Variants in PCDHGA8 observed in about 807,000 individuals in gnomAD.
PCDHGA8 encodes protocadherin gamma-A8.
A neutral mutation model predicts 59.2 loss-of-function variants in PCDHGA8; 45 were observed. The observed-to-expected ratio is 0.76, with a 90% confidence interval of 0.60 to 0.98. The LOEUF is 0.98. Among genes scored for constraint, PCDHGA8 ranks in the 50% least tolerant of loss-of-function variants. The pLI is 0.00. For missense variants in PCDHGA8, 1,257 were observed against 1,196.2 expected, an observed-to-expected ratio of 1.05 and a Z score of -0.75; for synonymous variants, 531 against 519.0, an observed-to-expected ratio of 1.02 and a Z score of -0.32.
chr5:141,490,640 G>C lies in PCDHGA8; in HGVS notation c.2425-4167G>C, dbSNP rs774630488. 1 of 1,614,122 alleles carries C rather than the reference G, an allele frequency of 6.2e-7. No individual in the cohort carries two copies. The highest frequency in any genetic ancestry group is 8.5e-7 in the Non-Finnish European group (1 of 1,180,012). On this transcript the variant is annotated intron_variant, in intron 1 of 3. Coordinates refer to ENST00000398604, the MANE Select transcript of PCDHGA8 (RefSeq NM_032088.2). This position sits in a 1 kb window ranked among gnomAD's most constrained non-coding sequence, Gnocchi z 5.4. The stretch of plus-strand genomic sequence containing the variant: ...TACACTGCTTACATCCTAGAAAACC[G>C]GCCTCCGGGCTCCCTTCTTTGCACT...
chr5:141,451,299 A>T (rs1016384424), intron 1 of PCDHGA8, among the ~76,000 whole-genome samples: 17 of 152,228 alleles, frequency 1.1e-4, no homozygotes, highest in African/African-American at 3.4e-4. Flanking sequence ...AAAGTCTTAC[A>T]AGGCAGCAAT....
chr5:141,400,384 G>A (rs1335444355), intron 1 of PCDHGA8: 2 of 1,614,054 alleles, frequency 1.2e-6, no homozygotes, highest in South Asian at 1.1e-5. Flanking sequence ...CCTATGTGTT[G>A]CACATACAGG....
chr5:141,437,388 C>T (rs1434464979), intron 1 of PCDHGA8, among the ~76,000 whole-genome samples: 1 of 152,186 alleles, frequency 6.6e-6, no homozygotes, highest in Non-Finnish European at 1.5e-5. Context: ...AGACATTCAT[C>T]CACTGCTTTC....
rs770788893 is a variant in PCDHGA8 at position 141,403,151 on chromosome 5, G to T, written c.2424+7914G>T. On this transcript the variant is annotated intron_variant, in intron 1 of 3. Coordinates refer to ENST00000398604, the MANE Select transcript of PCDHGA8 (RefSeq NM_032088.2). ...GCTGGCGGAGCGCCGAGTCCGCATC[G>T]TCTCTAGAGGTAGGACGCAGCTTTT... 1.3e-5 allele frequency: 21 copies of T among 1,613,914 alleles called. No individual in the cohort carries two copies. In the Admixed American group the frequency reaches 3.5e-4, roughly 27 times the overall value.
intron 3 of PCDHGA8, chr5:141,507,418 A>T (rs2099860509): frequency 6.6e-6 from 1 of 152,204 alleles, no homozygotes; most frequent in Non-Finnish European, 1.5e-5. Context: ...CTGTGAGGTT[A>T]AGTGGGGCCA....
rs543116266 is a variant in PCDHGA8 at position 141,474,428 on chromosome 5, C to A, written c.2425-20379C>A. 3.9e-5 allele frequency among the ~76,000 whole-genome samples: 6 copies of A among 152,346 alleles called. 1 individual carries two copies. In the South Asian group the frequency reaches 1.0e-3, roughly 26 times the overall value. On this transcript the variant is annotated intron_variant, in intron 1 of 3. Coordinates refer to ENST00000398604, the MANE Select transcript of PCDHGA8 (RefSeq NM_032088.2). ...CGGTGATGCCTAGACCATTGGTCCT[C>A]ACACTTTGAGTAGCAAGTGATTGGG...
Position 141,476,140 on chromosome 5 carries a change from C to G in PCDHGA8, c.2425-18667C>G. On this transcript the variant is annotated intron_variant, in intron 1 of 3. Coordinates refer to ENST00000398604, the MANE Select transcript of PCDHGA8 (RefSeq NM_032088.2). This position sits in a 1 kb window ranked among gnomAD's most constrained non-coding sequence, Gnocchi z 7.6. ...AGATGGTCCCAGAGGCCTGGAGGAGCGGACTGGTAAGCACCGGGAGGGTAG... is the reference window on the plus strand; with the variant it reads ...AGATGGTCCCAGAGGCCTGGAGGAGGGGACTGGTAAGCACCGGGAGGGTAG... The G allele has an allele frequency of 2.5e-6, 4 of 1,609,222 alleles. No individual in the cohort carries two copies. Among genetic ancestry groups the G allele is most frequent in the Non-Finnish European group, 1.7e-6 (2 of 1,178,484 alleles).
Position 141,489,640 on chromosome 5 carries a change from G to A in PCDHGA8, c.2425-5167G>A. The A allele has an allele frequency of 1.2e-6, 2 of 1,614,146 alleles. No individual in the cohort carries two copies. Among genetic ancestry groups the A allele is most frequent in the Non-Finnish European group, 1.7e-6 (2 of 1,180,010 alleles). Reference sequence around the variant, plus strand: ...TCTCAATGACAACTCTCCTAGCTTTGCCACCCCTGAGCGAGAGATGCGCAT... The same window carrying A: ...TCTCAATGACAACTCTCCTAGCTTTACCACCCCTGAGCGAGAGATGCGCAT... On this transcript the variant is annotated intron_variant, in intron 1 of 3. Transcript: ENST00000398604. The surrounding 1 kb of genome is among the most constrained non-coding windows in gnomAD (Gnocchi z 4.5).
rs57426385 is a variant in PCDHGA8 at position 141,415,740 on chromosome 5, G to GTTTTTTTTTTTTTT, written c.2424+20522_2424+20535dup. 1.9e-4 allele frequency: 117 copies of GTTTTTTTTTTTTTT among 625,018 alleles called. 7 individuals are homozygous for GTTTTTTTTTTTTTT. Among genetic ancestry groups the GTTTTTTTTTTTTTT allele is most frequent in the African/African-American group, 5.0e-4 (20 of 39,930 alleles). 38.7% of individuals were successfully genotyped at this position (625,018 alleles called of 1,614,324 possible). A position where few individuals can be genotyped will look rare whatever the true frequency, so the allele number is the denominator to read the frequency against. On this transcript the variant is annotated intron_variant, in intron 1 of 3. Coordinates refer to ENST00000398604, the MANE Select transcript of PCDHGA8 (RefSeq NM_032088.2). ...TGAGTAGAATTTGATGTTTATTAAGGTTTTTTTTTTTTTTTTTTTTTTTTT... is the reference window on the plus strand; with the variant it reads ...TGAGTAGAATTTGATGTTTATTAAGGTTTTTTTTTTTTTTTTTTTTTTTTTTTTTTTTTTTTTTT...
At chr5:141,492,121 C>G (rs1205499685) in intron 1 of PCDHGA8, among the ~76,000 whole-genome samples, 1 of 152,232 alleles carries the variant, frequency 6.6e-6, no homozygotes, top group Non-Finnish European at 1.5e-5. Context: ...CGATTTCTCC[C>G]CAGCTCCCAG....
chr5:141,403,315 A>C, intron 1 of PCDHGA8: 1 of 1,613,974 alleles, frequency 6.2e-7, no homozygotes, highest in African/African-American at 1.3e-5. Flanking sequence ...GAATAGAAAT[A>C]GAAGTAACTG....
At chr5:141,458,921 C>T (rs1471065767) in intron 1 of PCDHGA8, among the ~76,000 whole-genome samples, 1 of 151,960 alleles carries the variant, frequency 6.6e-6, no homozygotes, top group East Asian at 1.9e-4. Flanking sequence ...TTTGTGGAGA[C>T]GGGGTCTCAC....
chr5:141,500,461 G>A (rs1343646600), intron 2 of PCDHGA8, among the ~76,000 whole-genome samples: 1 of 151,910 alleles, frequency 6.6e-6, no homozygotes, highest in Non-Finnish European at 1.5e-5. Flanking sequence ...CGCCCGCCTC[G>A]GCCTCCCAAA....
At chr5:141,400,341 C>T in intron 1 of PCDHGA8, 7 of 1,614,070 alleles carry the variant, frequency 4.3e-6, no homozygotes, top group Non-Finnish European at 5.9e-6. Flanking sequence ...TTCCCCCCAA[C>T]TACAGTCAGG....
Position 141,485,752 on chromosome 5 carries a change from G to A in PCDHGA8, c.2425-9055G>A. 1 of 1,614,232 alleles carries A rather than the reference G, an allele frequency of 6.2e-7. No individual in the cohort carries two copies. Among genetic ancestry groups the A allele is most frequent in the Middle Eastern group, 1.6e-4 (1 of 6,062 alleles). ...GCAGCGACGGCAGCCTGGTCCCAGA[G>A]CTGCTCCTGGAGAAGCCTTTGGATC... On this transcript the variant is annotated intron_variant, in intron 1 of 3. Coordinates refer to ENST00000398604, the MANE Select transcript of PCDHGA8 (RefSeq NM_032088.2). This position sits in a 1 kb window ranked among gnomAD's most constrained non-coding sequence, Gnocchi z 5.7.
chr5:141,407,659 T>C (rs1443799600), intron 1 of PCDHGA8, among the ~76,000 whole-genome samples: 1 of 152,136 alleles, frequency 6.6e-6, no homozygotes, highest in East Asian at 1.9e-4. Flanking sequence ...GGGAGCGCAG[T>C]ATATATTAAA....
At chr5:141,418,752 C>T (rs2096284996) in intron 1 of PCDHGA8, 1 of 1,613,874 alleles carries the variant, frequency 6.2e-7, no homozygotes, top group African/African-American at 1.3e-5. Flanking sequence ...GATTACACTA[C>T]AGGAAACATT....
intron 1 of PCDHGA8, among the ~76,000 whole-genome samples, chr5:141,456,287 C>T (rs951430060): frequency 1.3e-5 from 2 of 152,048 alleles, no homozygotes; most frequent in Non-Finnish European, 2.9e-5. Flanking sequence ...TGAAAAGGGG[C>T]GTCTAATGGA....
Position 141,487,070 on chromosome 5 carries a change from C to T in PCDHGA8, c.2425-7737C>T. ...TGCTGGGGAGGTGCGGACGGCTGTT[C>T]CTATCCCAGCTGACCTCCCACCACA... On this transcript the variant is annotated intron_variant, in intron 1 of 3. Coordinates refer to ENST00000398604, the MANE Select transcript of PCDHGA8 (RefSeq NM_032088.2). This position sits in a 1 kb window ranked among gnomAD's most constrained non-coding sequence, Gnocchi z 5.0. The T allele has an allele frequency of 6.2e-7, 1 of 1,614,154 alleles. No homozygotes were observed. Among genetic ancestry groups the T allele is most frequent in the Non-Finnish European group, 8.5e-7 (1 of 1,180,008 alleles).
Sources: gnomAD v4.1 joint callset for allele counts (sites outside exome capture counted in the v4.1 genomes callset) on GRCh38, gnomAD v4.1.1 for gene constraint, Gnocchi (gnomAD v3.1) non-coding constraint, MANE v1.5 for transcripts, NCBI Gene and HGNC (gene_info 2026-07-23, HGNC 2026-07-21) for gene names.